PARD3B: variants seen among roughly 807,000 people sequenced by gnomAD.
The protein encoded by PARD3B is partitioning defective 3 homolog B.
PARD3B carries 103 observed loss-of-function variants against 130.2 expected under a neutral mutation model. That is an observed-to-expected ratio of 0.79 (90% confidence interval 0.67 to 0.93). The LOEUF (loss-of-function observed/expected upper bound fraction) is 0.93. PARD3B is among the 40% of genes least tolerant of loss of function. PARD3B has a pLI of 0.00. For missense variants in PARD3B, 1,609 were observed against 1,499.2 expected, an observed-to-expected ratio of 1.07 and a Z score of -1.21; for synonymous variants, 583 against 553.2, an observed-to-expected ratio of 1.05 and a Z score of -0.76.
Position 205,125,590 on chromosome 2 carries a change from ATATGCTTTTATTCAT to A in PARD3B, c.1306-16_1306-2del. The A allele has an allele frequency of 6.2e-7, 1 of 1,612,798 alleles. No homozygotes were observed. The highest frequency in any genetic ancestry group is 2.2e-5 in the East Asian group (1 of 44,844). On this transcript the variant is annotated splice_region_variant and splice_polypyrimidine_tract_variant and intron_variant, in intron 9 of 22. Coordinates refer to ENST00000406610, the MANE Select transcript of PARD3B (RefSeq NM_001302769.2). The surrounding 1 kb of genome is among the most constrained non-coding windows in gnomAD (Gnocchi z 4.0). ...ACAAGTATTGTGATTGTGGCTGTTCATATGCTTTTATTCATTAGGTAAATGGGAGAGATGTCACCG... is the reference window on the plus strand; with the variant it reads ...ACAAGTATTGTGATTGTGGCTGTTCATAGGTAAATGGGAGAGATGTCACCG...
At chr2:204,594,024 G>A (rs1311411475) in intron 1 of PARD3B, among the ~76,000 whole-genome samples, 1 of 152,200 alleles carries the variant, frequency 6.6e-6, no homozygotes, top group Non-Finnish European at 1.5e-5. Context: ...ATGCCACACA[G>A]TGGTTCCATC....
At chr2:205,168,417 A>G (rs1165831390) in intron 11 of PARD3B, among the ~76,000 whole-genome samples, 5 of 152,190 alleles carry the variant, frequency 3.3e-5, no homozygotes, top group Non-Finnish European at 7.3e-5. Context: ...ATTTATGTAA[A>G]GTCAATTGAA....
intron 21 of PARD3B, among the ~76,000 whole-genome samples, chr2:205,513,184 G>A (rs911517763): frequency 6.6e-6 from 1 of 151,986 alleles, no homozygotes; most frequent in South Asian, 2.1e-4. Context: ...ATAGCAGGAA[G>A]CAATCTTTAA....
At chr2:204,639,284 G>C (rs1475691868) in intron 1 of PARD3B, among the ~76,000 whole-genome samples, 1 of 152,148 alleles carries the variant, frequency 6.6e-6, no homozygotes, top group East Asian at 1.9e-4. Flanking sequence ...ATTCTTATTA[G>C]TTAAAGACCA....
rs137967039 is a variant in PARD3B at position 205,237,139 on chromosome 2, G to A, written c.2141-8639G>A. On this transcript the variant is annotated intron_variant, in intron 15 of 22. Transcript: ENST00000406610. The stretch of plus-strand genomic sequence containing the variant: ...TTTGAGACAGAGTTTTGCCCTTGTC[G>A]TCCAGGCTAGGGTGCAATGACGCGA... 6.5e-3 allele frequency among the ~76,000 whole-genome samples: 986 copies of A among 152,172 alleles called. 12 individuals are homozygous for A. The highest frequency in any genetic ancestry group is 0.022 in the African/African-American group (922 of 41,498).
In PARD3B at chr2:205,242,000, T is replaced by C. The variant is rs554995756; in HGVS notation, c.2141-3778T>C. Among the ~76,000 whole-genome samples the C allele has an allele frequency of 6.6e-6, 1 of 152,340 alleles. No individual in the cohort carries two copies. The highest frequency in any genetic ancestry group is 2.1e-4 in the South Asian group (1 of 4,832). ...TTTACCTCATTTTCTCATTTGCTAC[T>C]GTTATTTAAATTACTTCCCAGCACT... is the stretch of plus-strand genomic sequence containing the variant. On this transcript the variant is annotated intron_variant, in intron 15 of 22. Transcript: ENST00000406610. This position sits in a 1 kb window ranked among gnomAD's most constrained non-coding sequence, Gnocchi z 4.2.
rs561257343 is a variant in PARD3B at position 205,141,314 on chromosome 2, A to G, written c.1434+15577A>G. The stretch of plus-strand genomic sequence containing the variant: ...AAAAATAAAAGCACCACCAACTGTC[A>G]GAGCAACTTTTAGTTGGCTTTTCAG... On this transcript the variant is annotated intron_variant, in intron 10 of 22. Transcript: ENST00000406610. 7.9e-5 allele frequency among the ~76,000 whole-genome samples: 12 copies of G among 152,368 alleles called. No individual in the cohort carries two copies. The South Asian group carries it at 2.5e-3, about 32-fold the overall frequency.
intron 10 of PARD3B, among the ~76,000 whole-genome samples, chr2:205,132,806 A>T (rs1461621176): frequency 1.3e-5 from 2 of 152,178 alleles, no homozygotes; most frequent in Non-Finnish European, 1.5e-5. Flanking sequence ...CCTACCTTGT[A>T]GGGTTGTGTG....
chr2:205,404,248 G>T (rs147311512), intron 19 of PARD3B, among the ~76,000 whole-genome samples: 1 of 152,154 alleles, frequency 6.6e-6, no homozygotes, highest in Non-Finnish European at 1.5e-5. Context: ...ATTTAAATTT[G>T]CTGTGCCAAG....
Position 205,615,677 on chromosome 2 carries a change from C to T in PARD3B, c.3482C>T (p.Pro1161Leu), listed in dbSNP as rs923538204. The T allele has an allele frequency of 6.2e-7, 1 of 1,614,156 alleles. No homozygotes were observed. Among genetic ancestry groups the T allele is most frequent in the Admixed American group, 1.7e-5 (1 of 60,016 alleles). ...GGACCCTTTCGACAAGACGTTCCGCCTTCCCCTCCCCAGCACCAAAGAATG... is the reference window on the plus strand; with the variant it reads ...GGACCCTTTCGACAAGACGTTCCGCTTTCCCCTCCCCAGCACCAAAGAATG... ...HKGPFRQDVPPSPPQHQRMPA... is the reference protein window; with the variant it reads ...HKGPFRQDVPLSPPQHQRMPA... The change falls in exon 23 of 23, where the codon CCT becomes CTT. Residue 1161 changes from proline (P) to leucine (L), a missense_variant. By Grantham distance (98) the Pro-to-Leu change is moderately conservative (BLOSUM62 -3). Transcript: ENST00000406610.
chr2:204,953,871 G>A (rs1400371303), intron 2 of PARD3B, among the ~76,000 whole-genome samples: 3 of 152,070 alleles, frequency 2.0e-5, no homozygotes, highest in Non-Finnish European at 4.4e-5. Context: ...CTTTTGGAAG[G>A]CCTTTTGTGC....
chr2:204,869,600 C>A (rs1394256020), intron 2 of PARD3B, among the ~76,000 whole-genome samples: 1 of 152,014 alleles, frequency 6.6e-6, no homozygotes, highest in Non-Finnish European at 1.5e-5. Flanking sequence ...TCAATGACTT[C>A]TTTGATGCAG....
intron 2 of PARD3B, among the ~76,000 whole-genome samples, chr2:204,814,682 A>G (rs1456610163): frequency 6.6e-6 from 1 of 151,814 alleles, no homozygotes; most frequent in Non-Finnish European, 1.5e-5. Flanking sequence ...CCGTTGAGTA[A>G]AATATTAGCT....
At chr2:204,726,234 C>T (rs1353895603) in intron 2 of PARD3B, among the ~76,000 whole-genome samples, 2 of 152,094 alleles carry the variant, frequency 1.3e-5, no homozygotes, top group African/African-American at 4.8e-5. Flanking sequence ...AAGAGTAATG[C>T]AATTTTAATG....
intron 14 of PARD3B, among the ~76,000 whole-genome samples, chr2:205,191,541 A>G (rs139138105): frequency 2.6e-5 from 4 of 152,336 alleles, no homozygotes; most frequent in African/African-American, 7.2e-5. Context: ...TCAGAAATTT[A>G]TAGTGTTTTG....
chr2:204,833,887 CCCGGAGTGTCCCA>C (rs1411238823), intron 2 of PARD3B, among the ~76,000 whole-genome samples: 16 of 152,118 alleles, frequency 1.1e-4, no homozygotes, highest in Admixed American at 1.0e-3. Flanking sequence ...GACCCACAAG[CCCGGAGTGTCCCA>C]GCCCCACCTA....
intron 20 of PARD3B, among the ~76,000 whole-genome samples, chr2:205,466,586 A>G (rs1471867431): frequency 6.6e-6 from 1 of 151,894 alleles, no homozygotes; most frequent in Non-Finnish European, 1.5e-5. Flanking sequence ...TAAGTAATCC[A>G]TTTTTCCCAG....
At chr2:205,522,138 A>G (rs942277867) in intron 21 of PARD3B, among the ~76,000 whole-genome samples, 3 of 149,020 alleles carry the variant, frequency 2.0e-5, no homozygotes, top group African/African-American at 7.4e-5. Flanking sequence ...ATTTATTTTT[A>G]CTTCATTATT....
Position 205,350,053 on chromosome 2 carries a change from C to T in PARD3B, c.2630+48352C>T, listed in dbSNP as rs561361850. ...TGGCTCCCCTTCAGCTCTATCCCAA[C>T]ATATGAATGTTTCTTTAGTTAGATC... On this transcript the variant is annotated intron_variant, in intron 18 of 22. Transcript: ENST00000406610. Among the ~76,000 whole-genome samples, 342 of 152,244 alleles carry T rather than the reference C, an allele frequency of 2.2e-3. 2 individuals carry two copies. Among genetic ancestry groups the T allele is most frequent in the Middle Eastern group, 6.8e-3 (2 of 294 alleles).
Sources: gnomAD v4.1 joint callset for allele counts (sites outside exome capture counted in the v4.1 genomes callset) on GRCh38, gnomAD v4.1.1 for gene constraint, Gnocchi (gnomAD v3.1) non-coding constraint, MANE v1.5 for transcripts, NCBI Gene and HGNC (gene_info 2026-07-23, HGNC 2026-07-21) for gene names.